Variants in BRWD1 observed in about 807,000 individuals in gnomAD.
BRWD1 encodes bromodomain and WD repeat-containing protein 1.
In BRWD1, 82 loss-of-function variants were observed where a neutral mutation model predicts 251.2. The ratio of observed to expected loss-of-function variants is 0.33; its 90% CI spans 0.27 to 0.39. BRWD1 has a LOEUF of 0.39. Among genes scored for constraint, BRWD1 ranks in the 10% least tolerant of loss-of-function variants. The pLI, the probability that BRWD1 is intolerant of heterozygous loss-of-function variation, is 1.00. For missense variants in BRWD1, 2,233 were observed against 2,711.6 expected (o/e 0.82, Z 3.92); for synonymous variants, 918 against 902.8 (o/e 1.02, Z -0.30).
intron 19 of BRWD1, among the ~76,000 whole-genome samples, chr21:39,254,096 G>A (rs1295909590): frequency 2.0e-5 from 3 of 152,110 alleles, no homozygotes; most frequent in Non-Finnish European, 4.4e-5. Context: ...GAGAAACCCC[G>A]TCTCTACTAA....
At chr21:39,230,112 T>C (rs1369363836) in intron 25 of BRWD1, among the ~76,000 whole-genome samples, 1 of 152,214 alleles carries the variant, frequency 6.6e-6, no homozygotes, top group East Asian at 1.9e-4. Context: ...TTCATAAGTG[T>C]TCTTCAAAAT....
At chr21:39,313,900 G>C, upstream of BRWD1, 1 of 320,426 alleles carries the variant, frequency 3.1e-6, no homozygotes, top group Non-Finnish European at 6.0e-6. Context: ...CCCGGGCTTT[G>C]TGAGGCGGCA....
intron 17 of BRWD1, among the ~76,000 whole-genome samples, 196 bp downstream of exon 17, chr21:39,264,264 G>C (rs369392696): frequency 2.6e-5 from 4 of 151,950 alleles, no homozygotes; most frequent in African/African-American, 9.6e-5. Flanking sequence ...AGAGAATGTC[G>C]TTCTTATTTA....
At chr21:39,315,524 C>G (rs2036684093), upstream of BRWD1, among the ~76,000 whole-genome samples, 1 of 151,964 alleles carries the variant, frequency 6.6e-6, no homozygotes, top group East Asian at 1.9e-4. Flanking sequence ...GTCCCAGCTA[C>G]TTGAGAGGCT....
At chr21:39,288,954 C>A (rs1401581084) in intron 8 of BRWD1, among the ~76,000 whole-genome samples, 1 of 152,136 alleles carries the variant, frequency 6.6e-6, no homozygotes, top group Non-Finnish European at 1.5e-5. Flanking sequence ...GTCAACTATA[C>A]ATAAAATTTA....
intron 4 of BRWD1, 27 bp downstream of exon 4, chr21:39,312,814 C>T: frequency 1.9e-6 from 3 of 1,579,824 alleles, no homozygotes; most frequent in East Asian, 4.7e-5. Flanking sequence ...ACGGAAAACC[C>T]GGGGAGCAAA....
intron 13 of BRWD1, among the ~76,000 whole-genome samples, chr21:39,273,763 A>T (rs1290131712): frequency 1.3e-5 from 2 of 152,134 alleles, no homozygotes; most frequent in Non-Finnish European, 2.9e-5. Context: ...CATTTTTTTT[A>T]AATAAAAATA....
intron 8 of BRWD1, among the ~76,000 whole-genome samples, chr21:39,288,537 T>G (rs1057304495): frequency 1.3e-5 from 2 of 152,130 alleles, no homozygotes; most frequent in Non-Finnish European, 2.9e-5. Context: ...TACAGTTAGT[T>G]GACCCTTGAA....
chr21:39,285,802 C>T (rs1357874572), intron 8 of BRWD1, among the ~76,000 whole-genome samples: 2 of 142,778 alleles, frequency 1.4e-5, no homozygotes, highest in Non-Finnish European at 3.0e-5. Flanking sequence ...TGGTGACACA[C>T]ACCTGTAGTC....
At position 39,290,819 on chromosome 21, in the gene BRWD1, T is replaced by C. The variant is rs1275696675; in HGVS notation, c.831+2992A>G. On this transcript the variant is annotated intron_variant, in intron 8 of 40. Coordinates refer to ENST00000342449, the MANE Select transcript of BRWD1 (RefSeq NM_033656.4). ...AAGTAAGTACACAAACCAAAAATCTTGCTTAAACTTCCAAAATAAAACACT... is the reference window on the plus strand; with the variant it reads ...AAGTAAGTACACAAACCAAAAATCTCGCTTAAACTTCCAAAATAAAACACT... 2.6e-5 allele frequency among the ~76,000 whole-genome samples: 4 copies of C among 152,234 alleles called. No individual in the cohort carries two copies. In the East Asian group the frequency reaches 7.7e-4, roughly 29 times the overall value.
chr21:39,185,383 CATAAT>C (rs1435520705), downstream of BRWD1: 1 of 142,410 alleles, frequency 7.0e-6, no homozygotes, highest in African/African-American at 2.6e-5. Context: ...TTGTTGAGGA[CATAAT>C]ATACTCAATA....
Position 39,191,224 on chromosome 21 carries a change from C to A in BRWD1, c.*5035G>T. On this transcript the variant is annotated 3_prime_UTR_variant, in exon 41 of 41. Transcript: ENST00000342449. ...ATCCAATGGCAAACCCCTTTTCCAG[C>A]AGGGCTCCTGACTCGCTTCAGTTCC... The A allele has an allele frequency of 1.0e-6, 1 of 985,316 alleles. No individual in the cohort carries two copies. The highest frequency in any genetic ancestry group is 1.2e-6 in the Non-Finnish European group (1 of 829,914). The allele number at this position is 985,316 out of a possible 1,614,324, so 61.0% of individuals were successfully genotyped here. A position where few individuals can be genotyped will look rare whatever the true frequency, so the allele number is the denominator to read the frequency against.
At chr21:39,254,434 C>T (rs2034497570) in intron 19 of BRWD1, among the ~76,000 whole-genome samples, 1 of 152,024 alleles carries the variant, frequency 6.6e-6, no homozygotes, top group Non-Finnish European at 1.5e-5. Flanking sequence ...AGAAAAGAGG[C>T]TCCTCATGGC....
chr21:39,249,922 G>A (rs1169742289), intron 20 of BRWD1, among the ~76,000 whole-genome samples: 1 of 60,746 alleles, frequency 1.6e-5, no homozygotes, highest in African/African-American at 4.8e-5. Context: ...GGGGGTGTGT[G>A]TGTGTGTGTG....
In BRWD1 at chr21:39,302,534, A is replaced by C. The variant is rs1014441887; in HGVS notation, c.199-3952T>G. Among the ~76,000 whole-genome samples, 3 of 152,068 alleles carry C rather than the reference A, an allele frequency of 2.0e-5. No individual in the cohort carries two copies. In the South Asian group the frequency reaches 6.2e-4, roughly 32 times the overall value. On this transcript the variant is annotated intron_variant, in intron 4 of 40. Coordinates refer to ENST00000342449, the MANE Select transcript of BRWD1 (RefSeq NM_033656.4). ...CACTTTGGAAAGCTGAAGTGGGCAG[A>C]TCACCTGAGGTCAGGAGTTCAAGAC...
downstream of BRWD1, chr21:39,185,295 TAAAAAAAAAA>T (rs10525862): frequency 1.3e-4 from 9 of 71,838 alleles, no homozygotes; most frequent in South Asian, 5.2e-4. Context: ...CTGAAATTGC[TAAAAAAAAAA>T]AAAAAAAAAA....
chr21:39,203,458 T>TTTTTGTTTTTTG, intron 37 of BRWD1, among the ~76,000 whole-genome samples: 1 of 141,798 alleles, frequency 7.1e-6, no homozygotes, highest in Non-Finnish European at 1.5e-5. Context: ...TTTTTTTTTT[T>TTTTTGTTTTTTG]TTTTGAGACA....
At chr21:39,271,418 G>A (rs142960442) in intron 13 of BRWD1, among the ~76,000 whole-genome samples, 410 of 152,100 alleles carry the variant, frequency 2.7e-3, no homozygotes, top group African/African-American at 9.0e-3. Context: ...GGCCGGGCAC[G>A]GTGGCTCATG....
intron 23 of BRWD1, 41 bp from the exon 24 acceptor site, chr21:39,232,539 G>C: frequency 6.4e-7 from 1 of 1,573,310 alleles, no homozygotes; most frequent in Non-Finnish European, 8.6e-7. Flanking sequence ...GATTAGAAAG[G>C]GGCAGCATGC....
Sources: gnomAD v4.1 joint callset for allele counts (sites outside exome capture counted in the v4.1 genomes callset) on GRCh38, gnomAD v4.1.1 for gene constraint, MANE v1.5 for transcripts, NCBI Gene and HGNC (gene_info 2026-07-23, HGNC 2026-07-21) for gene names.